LRRC9: variants seen among roughly 807,000 people sequenced by gnomAD.
LRRC9 encodes the protein leucine-rich repeat-containing protein 9.
In LRRC9, 122 loss-of-function variants were observed where a neutral mutation model predicts 63.2. The ratio of observed to expected loss-of-function variants is 1.93; its 90% CI spans 1.67 to 2.24. The LOEUF (loss-of-function observed/expected upper bound fraction) is 2.24. LRRC9 is among the 30% of genes most tolerant of loss of function. The probability of loss-of-function intolerance (pLI) is 0.00; values close to 1 mark genes in which losing one functional copy is unlikely to be tolerated. For missense variants in LRRC9, 1,071 were observed against 627.7 expected, an observed-to-expected ratio of 1.71 and a Z score of -7.55; for synonymous variants, 366 against 213.1, an observed-to-expected ratio of 1.72 and a Z score of -6.25.
At chr14:59,947,766 T>TC (rs1443947113) in intron 8 of LRRC9, among the ~76,000 whole-genome samples, 3 of 145,884 alleles carry the variant, frequency 2.1e-5, no homozygotes, top group Non-Finnish European at 4.5e-5. Flanking sequence ...AAATAGGGAA[T>TC]CCTTTCCCCA....
At position 60,058,428 on chromosome 14, in the gene LRRC9, G is replaced by T. The variant is rs1023514823; in HGVS notation, c.4276+406G>T. ...AGATGTAAAAGCATAACAGAATCCC[G>T]GGGTACAAAGGATATTCTGCAGAGA... is the stretch of plus-strand genomic sequence containing the variant. On this transcript the variant is annotated intron_variant, in intron 31 of 31. Coordinates refer to ENST00000445360, the Ensembl canonical transcript of LRRC9. This position sits in a 1 kb window ranked among gnomAD's most constrained non-coding sequence, Gnocchi z 4.4. Among the ~76,000 whole-genome samples, 1 of 152,070 alleles carries T rather than the reference G, an allele frequency of 6.6e-6. No homozygotes were observed.
chr14:60,053,322 T>C lies in LRRC9; in HGVS notation c.4131+117T>C, dbSNP rs1894029306. 1.7e-6 allele frequency: 1 copy of C among 586,360 alleles called. No homozygotes were observed. Among genetic ancestry groups the C allele is most frequent in the Non-Finnish European group, 3.0e-6 (1 of 329,606 alleles). 36.3% of individuals were successfully genotyped at this position (586,360 alleles called of 1,614,324 possible). On this transcript the variant is annotated intron_variant, in intron 30 of 31. Coordinates refer to ENST00000445360, the Ensembl canonical transcript of LRRC9. This position sits in a 1 kb window ranked among gnomAD's most constrained non-coding sequence, Gnocchi z 4.8. ...ATGGCGTTTTTGATAAGGATGATCT[T>C]AGTATCTATTTAGTGATTACTATCA...
At chr14:60,020,381 A>C (rs1257880185) in intron 26 of LRRC9, among the ~76,000 whole-genome samples, 2 of 151,846 alleles carry the variant, frequency 1.3e-5, no homozygotes, top group Admixed American at 6.6e-5. Context: ...GGTTGTTCCT[A>C]ATTTTAGGCT....
In LRRC9 at chr14:60,042,819, G is replaced by A. The variant is rs570873964; in HGVS notation, c.3991-10246G>A. On this transcript the variant is annotated intron_variant, in intron 29 of 31. Transcript: ENST00000445360. The surrounding 1 kb of genome is among the most constrained non-coding windows in gnomAD (Gnocchi z 4.2). ...GGAAATGCAGAAATCACCCATCTTC[G>A]GTGTCGCTCACACTGGGAGCTGTAG... is the stretch of plus-strand genomic sequence containing the variant. 3.9e-5 allele frequency among the ~76,000 whole-genome samples: 6 copies of A among 152,238 alleles called. No individual in the cohort carries two copies. The highest frequency in any genetic ancestry group is 9.6e-5 in the African/African-American group (4 of 41,532).
chr14:60,039,378 G>A (rs990475390), intron 29 of LRRC9, among the ~76,000 whole-genome samples: 8 of 152,108 alleles, frequency 5.3e-5, no homozygotes, highest in African/African-American at 9.7e-5. Context: ...ATTTGGCTGC[G>A]AATCCTTCTG....
Position 59,958,881 on chromosome 14 carries a change from C to T in LRRC9, c.883-937C>T, listed in dbSNP as rs113612695. 0.025 allele frequency among the ~76,000 whole-genome samples: 3,786 copies of T among 152,318 alleles called. 162 individuals are homozygous for T. The highest frequency in any genetic ancestry group is 0.18 in the East Asian group (944 of 5,172). On this transcript the variant is annotated intron_variant, in intron 8 of 31. Coordinates refer to ENST00000445360, the Ensembl canonical transcript of LRRC9. This position sits in a 1 kb window ranked among gnomAD's most constrained non-coding sequence, Gnocchi z 4.0. ...GGGGGAGGGAGGTCCCTGCTCCTTG[C>T]ACTTCCTGGGTGATGTGACACCCCA... is the stretch of plus-strand genomic sequence containing the variant.
exon 18 of LRRC9, chr14:59,997,688 C>A: frequency 1.4e-6 from 1 of 701,114 alleles, no homozygotes; most frequent in South Asian, 1.5e-5. Context: ...CAAGCCATAA[C>A]CATGTGATAA....
At chr14:59,996,723 G>T (rs1282918026) in intron 17 of LRRC9, among the ~76,000 whole-genome samples, 3 of 152,124 alleles carry the variant, frequency 2.0e-5, no homozygotes, top group Non-Finnish European at 4.4e-5. Context: ...GTCTACTGTT[G>T]GAAGAAAATG....
chr14:60,032,031 A>G (rs921264721), exon 29 of LRRC9: 1 of 700,654 alleles, frequency 1.4e-6, no homozygotes, highest in African/African-American at 1.8e-5. Context: ...CGTTATCTCT[A>G]CTCTCAGGGA....
intron 29 of LRRC9, among the ~76,000 whole-genome samples, chr14:60,040,740 G>C (rs1449763245): frequency 1.3e-5 from 2 of 151,852 alleles, no homozygotes; most frequent in African/African-American, 4.9e-5. Flanking sequence ...CTTTTAATTG[G>C]AGCATTTAGC....
chr14:59,999,650 G>C (rs1420818968), intron 19 of LRRC9, among the ~76,000 whole-genome samples: 1 of 152,014 alleles, frequency 6.6e-6, no homozygotes, highest in East Asian at 1.9e-4. Context: ...TAACATGGAA[G>C]GAGGGGAAAT....
chr14:60,058,155 T>C lies in LRRC9; in HGVS notation c.4276+133T>C. ...TCCTAAAATTGCATGTTTGCTCAAGTTTCCTATGGCCATTTTGATTTCAGA... is the reference window on the plus strand; with the variant it reads ...TCCTAAAATTGCATGTTTGCTCAAGCTTCCTATGGCCATTTTGATTTCAGA... On this transcript the variant is annotated intron_variant, in intron 31 of 31. Coordinates refer to ENST00000445360, the Ensembl canonical transcript of LRRC9. The surrounding 1 kb of genome is among the most constrained non-coding windows in gnomAD (Gnocchi z 4.4). The C allele has an allele frequency of 2.2e-6, 1 of 460,482 alleles. No individual in the cohort carries two copies. Among genetic ancestry groups the C allele is most frequent in the East Asian group, 3.0e-5 (1 of 33,534 alleles). The allele number at this position is 460,482 out of a possible 1,614,324, so 28.5% of individuals were successfully genotyped here.
chr14:59,960,909 A>C lies in LRRC9; in HGVS notation c.1080-5A>C. 1 of 661,730 alleles carries C rather than the reference A, an allele frequency of 1.5e-6. No individual in the cohort carries two copies. The highest frequency in any genetic ancestry group is 2.7e-6 in the Non-Finnish European group (1 of 367,692). 41.0% of individuals were successfully genotyped at this position (661,730 alleles called of 1,614,324 possible). On this transcript the variant is annotated splice_region_variant and splice_polypyrimidine_tract_variant and intron_variant, in intron 9 of 31. Coordinates refer to ENST00000445360, the Ensembl canonical transcript of LRRC9. ...AATAGCTGTATGTATTTTTCTCTCC[A>C]ATAGAATTGAAGCAATTTATCATAT...
At chr14:59,939,036 CATAT>C (rs1226007658) in intron 7 of LRRC9, among the ~76,000 whole-genome samples, 1 of 145,890 alleles carries the variant, frequency 6.9e-6, no homozygotes, top group East Asian at 2.0e-4. Flanking sequence ...CATATATACA[CATAT>C]ATACATATAT....
intron 15 of LRRC9, 56 bp downstream of exon 15, chr14:59,978,188 A>G: frequency 1.5e-6 from 1 of 689,070 alleles, no homozygotes; most frequent in South Asian, 1.5e-5. Flanking sequence ...ATGGGAACAA[A>G]GTAGTAATTT....
At chr14:60,056,704 A>G (rs951043118) in intron 30 of LRRC9, among the ~76,000 whole-genome samples, 2 of 152,124 alleles carry the variant, frequency 1.3e-5, no homozygotes, top group Admixed American at 1.3e-4. Flanking sequence ...TCAAATCTTT[A>G]TTTTAGAGAA....
chr14:59,965,920 A>AAAAAAAATG (rs1274886982), intron 10 of LRRC9, among the ~76,000 whole-genome samples: 1 of 136,384 alleles, frequency 7.3e-6, no homozygotes, highest in Non-Finnish European at 1.6e-5. Flanking sequence ...AAAAAAAAAA[A>AAAAAAAATG]GATACTGGTG....
At chr14:59,980,604 T>C (rs1886826114) in intron 15 of LRRC9, among the ~76,000 whole-genome samples, 1 of 152,216 alleles carries the variant, frequency 6.6e-6, no homozygotes, top group African/African-American at 2.4e-5. Flanking sequence ...CTTTGCTGTA[T>C]TGGACTTCTT....
At chr14:59,949,395 C>T (rs1408163071) in intron 8 of LRRC9, among the ~76,000 whole-genome samples, 3 of 150,230 alleles carry the variant, frequency 2.0e-5, no homozygotes, top group African/African-American at 7.3e-5. Context: ...TGATTCTTCT[C>T]TCTTTTTTTC....
Sources: allele counts gnomAD v4.1 joint callset (sites outside exome capture counted in the v4.1 genomes callset), GRCh38; gene constraint gnomAD v4.1.1; non-coding constraint Gnocchi (gnomAD v3.1); transcripts MANE v1.5; gene names NCBI Gene and HGNC (gene_info 2026-07-23, HGNC 2026-07-21).